The following RIN2 variants were observed in gnomAD, a reference collection of about 807,000 sequenced individuals.
RIN2 encodes the protein Ras and Rab interactor 2.
Under a neutral mutation model 78.0 loss-of-function variants are expected in RIN2, and 36 were observed. The ratio of observed to expected loss-of-function variants is 0.46; its 90% CI spans 0.35 to 0.61. The LOEUF is 0.61. Ranked by LOEUF, RIN2 falls within the 20% of genes least tolerant of loss-of-function variation. The pLI is 0.00. For synonymous variants in RIN2, 466 were observed against 466.8 expected (o/e 1.00, Z 0.02); for missense variants, 1,087 against 1,159.7 (o/e 0.94, Z 0.91).
intron 2 of RIN2, chr20:19,872,393 G>A (rs1410821812): frequency 6.6e-6 from 1 of 152,262 alleles, no homozygotes; most frequent in Admixed American, 6.5e-5. Flanking sequence ...TAGGGAAGGT[G>A]TGGGGGCACT....
rs929392565 is a variant in RIN2 at position 19,893,684 on chromosome 20, A to G, written c.57+4026A>G. Among the ~76,000 whole-genome samples the G allele has an allele frequency of 7.2e-5, 11 of 152,318 alleles. No individual in the cohort carries two copies. The East Asian group carries it at 1.5e-3, about 21-fold the overall frequency. Reference sequence around the variant, plus strand: ...CATCCCAGAAGCTCCGACCACATCCATCCATGCAGATAAACCCATTTTCCA... The same window carrying G: ...CATCCCAGAAGCTCCGACCACATCCGTCCATGCAGATAAACCCATTTTCCA... On this transcript the variant is annotated intron_variant, in intron 3 of 12. Coordinates refer to ENST00000255006, the MANE Select transcript of RIN2 (RefSeq NM_018993.4).
chr20:19,907,202 C>G (rs2039256810), intron 3 of RIN2, among the ~76,000 whole-genome samples: 1 of 152,178 alleles, frequency 6.6e-6, no homozygotes, highest in South Asian at 2.1e-4. Flanking sequence ...GATAACCAGC[C>G]CACTCCCAAA....
At chr20:19,813,830 GA>G (rs1452070665) in intron 2 of RIN2, among the ~76,000 whole-genome samples, 1 of 152,056 alleles carries the variant, frequency 6.6e-6, no homozygotes, top group African/African-American at 2.4e-5. Flanking sequence ...CAAAAATACT[GA>G]AAAAAGTTCA....
At chr20:19,987,575 T>C (rs1367548719) in intron 9 of RIN2, among the ~76,000 whole-genome samples, 1 of 152,210 alleles carries the variant, frequency 6.6e-6, no homozygotes, top group Non-Finnish European at 1.5e-5. Context: ...GCAAAAATAA[T>C]AGAATTATTG....
chr20:19,987,672 T>C (rs1257197406), intron 9 of RIN2, among the ~76,000 whole-genome samples: 1 of 152,264 alleles, frequency 6.6e-6, no homozygotes, highest in Non-Finnish European at 1.5e-5. Flanking sequence ...ATTAATTTTT[T>C]ATCATAATGA....
chr20:19,789,426 A>G lies in RIN2; in HGVS notation c.-162-10196A>G, dbSNP rs185835136. 2.2e-4 allele frequency among the ~76,000 whole-genome samples: 33 copies of G among 152,304 alleles called. No individual in the cohort carries two copies. In the East Asian group the frequency reaches 4.6e-3, roughly 21 times the overall value. On this transcript the variant is annotated intron_variant, in intron 1 of 12. Transcript: ENST00000255006. ...CTTTACTGTATGTTAATTATACTTC[A>G]ATAGAATTTCCTCTCCCTTGTCTTT...
chr20:19,835,976 G>T (rs562252908), intron 2 of RIN2, among the ~76,000 whole-genome samples: 24 of 152,266 alleles, frequency 1.6e-4, no homozygotes, highest in Non-Finnish European at 2.8e-4. Flanking sequence ...TGCTAGGACC[G>T]GGACTGGCTG....
chr20:19,797,711 C>T (rs997752953), intron 1 of RIN2, among the ~76,000 whole-genome samples: 3 of 152,098 alleles, frequency 2.0e-5, no homozygotes, highest in Non-Finnish European at 4.4e-5. Context: ...GGAGGAAAAT[C>T]TGGATTAAGA....
chr20:20,000,872 G>A lies in RIN2; in HGVS notation c.2624G>A (p.Arg875His), dbSNP rs1236431819. The change falls in exon 13 of 13, where the codon CGC becomes CAC. Residue 875 changes from arginine to histidine, a missense_variant. Arg to His is a conservative substitution (Grantham distance 29). Coordinates refer to ENST00000255006, the MANE Select transcript of RIN2 (RefSeq NM_018993.4). ...QPHIFHFVYK[R>H]IKNDPYGIIF... ...CACATCTTCCACTTTGTCTACAAAC[G>A]CATCAAGAACGATCCTTATGGCATC... The A allele has an allele frequency of 6.2e-6, 10 of 1,613,812 alleles. No homozygotes were observed. The highest frequency in any genetic ancestry group is 5.0e-5 in the Admixed American group (3 of 60,010).
chr20:19,939,829 C>G (rs1482260494), intron 4 of RIN2, among the ~76,000 whole-genome samples: 1 of 150,270 alleles, frequency 6.7e-6, no homozygotes, highest in Admixed American at 6.6e-5. Flanking sequence ...CATATATTCA[C>G]TTGCTTCCTG....
chr20:19,995,251 G>GTT (rs141557975), intron 11 of RIN2, among the ~76,000 whole-genome samples: 98 of 109,302 alleles, frequency 9.0e-4, no homozygotes, highest in South Asian at 4.0e-3. Flanking sequence ...GCCAGTGTCT[G>GTT]TTTTTTTTTT....
intron 2 of RIN2, 131 bp from the exon 3 acceptor site, chr20:19,889,435 G>A: frequency 8.8e-7 from 1 of 1,139,376 alleles, no homozygotes; most frequent in East Asian, 3.0e-5. Context: ...GTAAGGCCTT[G>A]GTGGGAAATA....
intron 2 of RIN2, among the ~76,000 whole-genome samples, chr20:19,860,004 C>T (rs2037284746): frequency 6.6e-6 from 1 of 152,148 alleles, no homozygotes; most frequent in African/African-American, 2.4e-5. Flanking sequence ...GAACTGAATC[C>T]CACTGAAAAA....
intron 3 of RIN2, among the ~76,000 whole-genome samples, chr20:19,908,207 A>T (rs2039302143): frequency 6.6e-6 from 1 of 152,140 alleles, no homozygotes; most frequent in Non-Finnish European, 1.5e-5. Context: ...GAGTTTGGAC[A>T]TCGGCCAGGC....
At chr20:19,812,547 T>G (rs538596138) in intron 2 of RIN2, among the ~76,000 whole-genome samples, 5 of 152,386 alleles carry the variant, frequency 3.3e-5, no homozygotes, top group Admixed American at 3.3e-4. Flanking sequence ...TTGCTTATTT[T>G]GTGTTGGGTT....
chr20:19,915,745 A>G (rs1021107906), intron 3 of RIN2, among the ~76,000 whole-genome samples: 25 of 152,184 alleles, frequency 1.6e-4, no homozygotes, highest in Non-Finnish European at 4.4e-5. Flanking sequence ...TTCCCTTTTC[A>G]TACCCACTCT....
intron 2 of RIN2, among the ~76,000 whole-genome samples, chr20:19,807,568 T>C (rs1297707609): frequency 6.6e-6 from 1 of 152,028 alleles, no homozygotes; most frequent in African/African-American, 2.4e-5. Context: ...AATTATGAAG[T>C]GTTTGGAGAT....
At chr20:19,801,727 C>T (rs571382655) in intron 2 of RIN2, among the ~76,000 whole-genome samples, 30 of 152,166 alleles carry the variant, frequency 2.0e-4, no homozygotes, top group Non-Finnish European at 3.5e-4. Context: ...CTAGCAAAGA[C>T]CCTTACCTGA....
intron 1 of RIN2, among the ~76,000 whole-genome samples, chr20:19,761,316 C>A (rs2033632546): frequency 6.6e-6 from 1 of 152,152 alleles, no homozygotes; most frequent in Admixed American, 6.5e-5. Context: ...CAGGATTCAC[C>A]GAGTTGTGTT....
Sources: gnomAD v4.1 joint callset for allele counts (sites outside exome capture counted in the v4.1 genomes callset) on GRCh38, gnomAD v4.1.1 for gene constraint, MANE v1.5 for transcripts, NCBI Gene and HGNC (gene_info 2026-07-23, HGNC 2026-07-21) for gene names.